TRANK1: variants seen among roughly 807,000 people sequenced by gnomAD.
TRANK1 encodes the protein tetratricopeptide repeat and ankyrin repeat containing 1.
In TRANK1, 198 loss-of-function variants were observed where a neutral mutation model predicts 266.0. That is an observed-to-expected ratio of 0.74 (90% CI 0.66 to 0.84). The LOEUF (loss-of-function observed/expected upper bound fraction) is 0.84, where lower values mean the gene tolerates loss of function less well. TRANK1 is among the 40% of genes least tolerant of loss of function. TRANK1 has a pLI of 0.00. For missense variants in TRANK1, 3,326 were observed against 3,634.6 expected (o/e 0.92, Z 2.18); for synonymous variants, 1,396 against 1,384.1 (o/e 1.01, Z -0.19).
In TRANK1 at chr3:36,842,084, G is replaced by A. The variant is rs1315945333; in HGVS notation, c.5280+538C>T. On this transcript the variant is annotated intron_variant, in intron 18 of 23. Transcript: ENST00000645898. ...TAACCTGGTTTCAAAATGTAAAGAGGTCTGCTACAGAGATAACACTTCCTG... is the reference window on the plus strand; with the variant it reads ...TAACCTGGTTTCAAAATGTAAAGAGATCTGCTACAGAGATAACACTTCCTG... Among the ~76,000 whole-genome samples, 6 of 152,156 alleles carry A rather than the reference G, an allele frequency of 3.9e-5. No individual in the cohort carries two copies. In the South Asian group the frequency reaches 1.2e-3, roughly 32 times the overall value.
intron 1 of TRANK1, among the ~76,000 whole-genome samples, chr3:36,923,413 G>A (rs184051556): frequency 1.3e-5 from 2 of 152,032 alleles, no homozygotes; most frequent in African/African-American, 2.4e-5. Flanking sequence ...GCGCCACCAC[G>A]CCCAGCTAAT....
chr3:36,852,071 A>G (rs2078991650), intron 14 of TRANK1, 75 bp downstream of exon 14: 2 of 1,453,032 alleles, frequency 1.4e-6, no homozygotes, highest in Non-Finnish European at 1.8e-6. Context: ...ACTTTGTGGT[A>G]TAATTTAGCT....
intron 1 of TRANK1, among the ~76,000 whole-genome samples, chr3:36,921,341 A>G (rs1233563293): frequency 6.6e-6 from 1 of 152,336 alleles, no homozygotes; most frequent in Admixed American, 6.5e-5. Context: ...CCATTACTCC[A>G]TTCACGAGTC....
intron 3 of TRANK1, among the ~76,000 whole-genome samples, chr3:36,901,290 ATCT>A (rs2079878312): frequency 3.3e-5 from 5 of 152,270 alleles, no homozygotes; most frequent in African/African-American, 4.8e-5. Flanking sequence ...ACTGCCATAA[ATCT>A]TCTCTCCCAG....
In TRANK1 at chr3:36,838,459, CTCCAAATAGGTCTTAGCCAAT is replaced by C; in HGVS notation, c.5409_5429del (p.Leu1804_Glu1810del). ...TAAGGGACAGTGTTGGCTCTTTGCA[CTCCAAATAGGTCTTAGCCAAT>C]TCCAAATATTCCAACTGCTTTTCCC... On this transcript the variant is annotated inframe_deletion, in exon 20 of 24. Coordinates refer to ENST00000645898, the MANE Select transcript of TRANK1 (RefSeq NM_001329998.2). 6.2e-7 allele frequency: 1 copy of C among 1,614,062 alleles called. No individual in the cohort carries two copies.
Position 36,879,802 on chromosome 3 carries a change from A to G in TRANK1, c.908-5506T>C, listed in dbSNP as rs866769074. Among the ~76,000 whole-genome samples, 332 of 102,270 alleles carry G rather than the reference A, an allele frequency of 3.2e-3. 14 individuals carry two copies. Among genetic ancestry groups the G allele is most frequent in the Non-Finnish European group, 4.8e-3 (256 of 53,498 alleles). The allele number at this position is 102,270 out of a possible 152,430, so 67.1% of individuals were successfully genotyped here. On this transcript the variant is annotated intron_variant, in intron 8 of 23. Coordinates refer to ENST00000645898, the MANE Select transcript of TRANK1 (RefSeq NM_001329998.2). ...TATAAATATGTAAATATATAAATAT[A>G]CAAATATATGTAAATATACAAATAT...
chr3:36,833,037 G>C lies in TRANK1; in HGVS notation c.6546C>G (p.Ser2182Arg), dbSNP rs1370160276. Reference protein sequence around the residue: ...LLGRLCQITRSLLGKTYRGVC... With the variant: ...LLGRLCQITRRLLGKTYRGVC... ...CTCCTCGGTAGGTCTTCCCAAGCAGGCTCCGTGTGATCTGACACAGCCTGC... is the reference window on the plus strand; with the variant it reads ...CTCCTCGGTAGGTCTTCCCAAGCAGCCTCCGTGTGATCTGACACAGCCTGC... Residue 2182 changes from serine (S) to arginine (R), a missense_variant, in exon 22 of 24, where the codon AGC (serine) becomes AGG (arginine). By Grantham distance (110) the Ser-to-Arg change is moderately radical. Coordinates refer to ENST00000645898, the MANE Select transcript of TRANK1 (RefSeq NM_001329998.2). The C allele has an allele frequency of 6.2e-7, 1 of 1,612,780 alleles. No individual in the cohort carries two copies. The highest frequency in any genetic ancestry group is 1.1e-5 in the South Asian group (1 of 90,840).
At chr3:36,943,838 G>A (rs114981789) in intron 1 of TRANK1, among the ~76,000 whole-genome samples, 1,622 of 152,142 alleles carry the variant, frequency 0.011, 29 homozygotes, top group African/African-American at 0.035. Flanking sequence ...AGCAGATAGG[G>A]GAACTAGAGA....
Position 36,892,262 on chromosome 3 carries a change from T to C in TRANK1, c.715A>G (p.Ser239Gly). The change falls in exon 7 of 24, where the codon AGT (serine) becomes GGT (glycine). Residue 239 changes from serine (S) to glycine (G), a missense_variant. Ser to Gly is a moderately conservative substitution (Grantham distance 56). Transcript: ENST00000645898. ...GGATACGGTCCTATAGTCTCAACAC[T>C]TGCACCAATGGAGATGAGCCACTGG... ...LVQWLISIGA[S>G]VETIGPYPLH... The C allele has an allele frequency of 1.3e-6, 2 of 1,537,120 alleles. No homozygotes were observed. The highest frequency in any genetic ancestry group is 1.7e-6 in the Non-Finnish European group (2 of 1,146,894).
Position 36,858,755 on chromosome 3 carries a change from A to G in TRANK1, c.1635T>C (p.Pro545=), listed in dbSNP as rs2079093278. The G allele has an allele frequency of 2.0e-6, 3 of 1,536,548 alleles. No homozygotes were observed. The highest frequency in any genetic ancestry group is 2.6e-6 in the Non-Finnish European group (3 of 1,146,564). ...GAAAGATGTGGAGTGCTGCATGCAA[A>G]GGAGTATCACCTTCCGTGAGAGAAA... The part of the protein sequence containing the change: ...RAISLTEGDT[P]LHAALHIFLE... Residue 545 remains proline, a synonymous_variant, in exon 12 of 24, where the codon CCT becomes CCC. Transcript: ENST00000645898.
intron 1 of TRANK1, among the ~76,000 whole-genome samples, chr3:36,909,533 G>A (rs553519225): frequency 3.3e-5 from 5 of 152,316 alleles, no homozygotes; most frequent in Admixed American, 2.0e-4. Flanking sequence ...TGGTAGGGTA[G>A]GGTAGGTCTT....
At chr3:36,876,644 T>G (rs2079392522) in intron 8 of TRANK1, among the ~76,000 whole-genome samples, 2 of 152,074 alleles carry the variant, frequency 1.3e-5, no homozygotes, top group South Asian at 4.1e-4. Flanking sequence ...CTAACAACTC[T>G]CCCAACACCA....
chr3:36,873,539 G>A (rs1027005870), intron 9 of TRANK1, among the ~76,000 whole-genome samples: 3 of 152,110 alleles, frequency 2.0e-5, no homozygotes, highest in African/African-American at 7.2e-5. Flanking sequence ...ATACTACCAT[G>A]CAAATGTCAT....
intron 1 of TRANK1, 137 bp from the exon 2 acceptor site, chr3:36,908,591 C>A: frequency 8.1e-7 from 1 of 1,230,454 alleles, no homozygotes; most frequent in Non-Finnish European, 1.0e-6. Flanking sequence ...ATCTTGGCAA[C>A]ACCTCTCACC....
rs751497235 is a variant in TRANK1 at position 36,829,549 on chromosome 3, A to G, written c.8809+15T>C. 5 of 1,613,714 alleles carry G rather than the reference A, an allele frequency of 3.1e-6. No individual in the cohort carries two copies. Among genetic ancestry groups the G allele is most frequent in the Middle Eastern group, 1.6e-4 (1 of 6,062 alleles). ...ACCCAAAGTGTTACCTGTCCCCACA[A>G]TCAAGACTCCTTACCTTCCTTCTTT... is the stretch of plus-strand genomic sequence containing the variant. On this transcript the variant is annotated intron_variant, in intron 23 of 23. Coordinates refer to ENST00000645898, the MANE Select transcript of TRANK1 (RefSeq NM_001329998.2).
intron 1 of TRANK1, among the ~76,000 whole-genome samples, chr3:36,919,997 T>C (rs1445140649): frequency 6.6e-6 from 1 of 152,208 alleles, no homozygotes; most frequent in Non-Finnish European, 1.5e-5. Context: ...GTTCTTGCAA[T>C]ATTGCTAATA....
Position 36,831,514 on chromosome 3 carries a change from C to A in TRANK1, c.8069G>T (p.Gly2690Val). 6.2e-7 allele frequency: 1 copy of A among 1,613,268 alleles called. No individual in the cohort carries two copies. Among genetic ancestry groups the A allele is most frequent in the African/African-American group, 1.3e-5 (1 of 75,018 alleles). ...TGCCAGTTCATCCATCTCATCCTGG[C>A]CAAACTCACACTCAGGTTCAGCAAA... ...DYFAEPECEFGQDEMDELALE... is the reference protein window; with the variant it reads ...DYFAEPECEFVQDEMDELALE... Residue 2690 changes from glycine (G) to valine (V), a missense_variant, in exon 22 of 24, where the codon GGC becomes GTC. By Grantham distance (109) the Gly-to-Val change is moderately radical. Transcript: ENST00000645898. The surrounding 1 kb of genome is among the most constrained non-coding windows in gnomAD (Gnocchi z 5.0).
At position 36,852,319 on chromosome 3, in the gene TRANK1, C is replaced by G. The variant is rs374941599; in HGVS notation, c.4576G>C (p.Val1526Leu). ...SGILNLASGV[V>L]DLLQFYFPES... is the part of the protein sequence containing the mutation. Reference sequence around the variant, plus strand: ...GGGAAATAGAACTGAAGTAAATCCACCACTCCAGATGCCAGATTGAGGATT... The same window carrying G: ...GGGAAATAGAACTGAAGTAAATCCAGCACTCCAGATGCCAGATTGAGGATT... The change falls in exon 14 of 24, where the codon GTG becomes CTG. Residue 1526 changes from valine (V) to leucine (L), a missense_variant. Physicochemically the swap from Val to Leu is conservative, Grantham distance 32 (BLOSUM62 1). Transcript: ENST00000645898. 5.6e-6 allele frequency: 9 copies of G among 1,593,890 alleles called. No individual in the cohort carries two copies. The highest frequency in any genetic ancestry group is 6.8e-6 in the Non-Finnish European group (8 of 1,173,202).
intron 9 of TRANK1, among the ~76,000 whole-genome samples, chr3:36,867,129 C>A (rs2079238708): frequency 6.6e-6 from 1 of 152,034 alleles, no homozygotes; most frequent in Non-Finnish European, 1.5e-5. Flanking sequence ...CATCCCTGGA[C>A]TTTCCCCTCC....
Sources: allele counts gnomAD v4.1 joint callset (sites outside exome capture counted in the v4.1 genomes callset), GRCh38; gene constraint gnomAD v4.1.1; non-coding constraint Gnocchi (gnomAD v3.1); transcripts MANE v1.5; gene names NCBI Gene and HGNC (gene_info 2026-07-23, HGNC 2026-07-21).